The following PTPRD variants were observed in gnomAD, a reference collection of about 807,000 sequenced individuals.
PTPRD encodes the protein receptor-type tyrosine-protein phosphatase delta.
Under a neutral mutation model 214.5 loss-of-function variants are expected in PTPRD, and 34 were observed. The observed-to-expected ratio is 0.16, with a 90% CI of 0.12 to 0.21. PTPRD has a LOEUF of 0.21. PTPRD is among the 10% of genes least tolerant of loss of function. The pLI, the probability that PTPRD is intolerant of heterozygous loss-of-function variation, is 1.00. For missense variants in PTPRD, 2,545 were observed against 2,398.7 expected (o/e 1.06, Z -1.27); for synonymous variants, 1,128 against 845.7 (o/e 1.33, Z -5.79).
chr9:9,927,802 T>A (rs1488335556), intron 5 of PTPRD, among the ~76,000 whole-genome samples: 2 of 152,118 alleles, frequency 1.3e-5, no homozygotes, highest in Non-Finnish European at 2.9e-5. Context: ...TTTTTCAGAG[T>A]CAATTTCATT....
intron 11 of PTPRD, among the ~76,000 whole-genome samples, chr9:8,948,427 A>T (rs1418404452): frequency 2.0e-4 from 5 of 24,986 alleles, no homozygotes; most frequent in African/African-American, 4.2e-4. Context: ...ATATATATTT[A>T]TATATATATT....
At chr9:8,978,165 G>A (rs959855611) in intron 11 of PTPRD, among the ~76,000 whole-genome samples, 1 of 152,076 alleles carries the variant, frequency 6.6e-6, no homozygotes, top group African/African-American at 2.4e-5. Context: ...AAATTTTGGG[G>A]AAGGGAGGTC....
intron 8 of PTPRD, among the ~76,000 whole-genome samples, chr9:9,570,685 A>C (rs1294557505): frequency 6.6e-6 from 1 of 151,484 alleles, no homozygotes; most frequent in Admixed American, 6.6e-5. Flanking sequence ...TCATTATGAC[A>C]CAGAGATCGA....
At chr9:9,721,660 T>G (rs1292816799) in intron 7 of PTPRD, among the ~76,000 whole-genome samples, 1 of 152,160 alleles carries the variant, frequency 6.6e-6, no homozygotes, top group Non-Finnish European at 1.5e-5. Context: ...GTATTCTGGA[T>G]TTATGATGTC....
intron 35 of PTPRD, among the ~76,000 whole-genome samples, chr9:8,406,478 G>C (rs2092991491): frequency 6.6e-6 from 1 of 152,148 alleles, no homozygotes; most frequent in Non-Finnish European, 1.5e-5. Flanking sequence ...CTAAAGCATA[G>C]CTCTGGACAG....
intron 3 of PTPRD, among the ~76,000 whole-genome samples, chr9:10,338,289 A>C (rs967530628): frequency 1.3e-5 from 2 of 151,546 alleles, no homozygotes; most frequent in Non-Finnish European, 3.0e-5. Flanking sequence ...TCTGCTAATG[A>C]GTAACATTCT....
At chr9:9,045,704 C>A (rs946470697) in intron 10 of PTPRD, among the ~76,000 whole-genome samples, 1 of 152,150 alleles carries the variant, frequency 6.6e-6, no homozygotes, top group South Asian at 2.1e-4. Context: ...GTTCCATAAT[C>A]CTGTGAACAC....
intron 4 of PTPRD, among the ~76,000 whole-genome samples, chr9:10,001,682 T>C (rs2096320666): frequency 1.3e-5 from 2 of 152,072 alleles, no homozygotes; most frequent in Non-Finnish European, 2.9e-5. Context: ...GGAGAAATAA[T>C]AAAATAAATG....
chr9:8,447,526 C>T (rs2095780951), intron 34 of PTPRD, among the ~76,000 whole-genome samples: 1 of 152,184 alleles, frequency 6.6e-6, no homozygotes, highest in Admixed American at 6.5e-5. Context: ...AAAATTACAT[C>T]TGAAAGTGAG....
intron 5 of PTPRD, among the ~76,000 whole-genome samples, chr9:9,857,516 C>T (rs1227760526): frequency 3.9e-5 from 6 of 152,142 alleles, no homozygotes; most frequent in Non-Finnish European, 8.8e-5. Context: ...TCTCTGCACA[C>T]GGTGCATTTC....
chr9:10,284,967 T>C (rs947224801), intron 3 of PTPRD, among the ~76,000 whole-genome samples: 2 of 152,214 alleles, frequency 1.3e-5, no homozygotes, highest in Non-Finnish European at 2.9e-5. Context: ...TATCAGCACT[T>C]CATTTTGGAC....
chr9:10,232,949 T>C (rs1452157124), intron 3 of PTPRD, among the ~76,000 whole-genome samples: 1 of 152,002 alleles, frequency 6.6e-6, no homozygotes, highest in Non-Finnish European at 1.5e-5. Context: ...ACTATCATTT[T>C]ATCCACTGAA....
At chr9:8,435,775 G>T (rs2095322747) in intron 35 of PTPRD, among the ~76,000 whole-genome samples, 1 of 151,570 alleles carries the variant, frequency 6.6e-6, no homozygotes, top group Admixed American at 6.6e-5. Flanking sequence ...CCTCCATCAA[G>T]AATTCACAAA....
chr9:9,898,505 C>T (rs151147101), intron 5 of PTPRD, among the ~76,000 whole-genome samples: 53 of 152,144 alleles, frequency 3.5e-4, no homozygotes, highest in African/African-American at 1.2e-3. Flanking sequence ...TCAAGGATTA[C>T]TTCATGTGAT....
chr9:9,392,960 A>T (rs1036756126), intron 9 of PTPRD, among the ~76,000 whole-genome samples: 2 of 152,096 alleles, frequency 1.3e-5, no homozygotes, highest in Admixed American at 6.6e-5. Flanking sequence ...GGGTGGAGCC[A>T]TGGAAATTCC....
chr9:8,592,164 A>G (rs1564573844), intron 14 of PTPRD, among the ~76,000 whole-genome samples: 2 of 152,158 alleles, frequency 1.3e-5, no homozygotes, highest in African/African-American at 2.4e-5. Context: ...AATCAGACAG[A>G]TTTGTCTTGA....
chr9:10,256,594 G>C (rs1024318274), intron 3 of PTPRD, among the ~76,000 whole-genome samples: 4 of 152,048 alleles, frequency 2.6e-5, no homozygotes, highest in East Asian at 1.9e-4. Flanking sequence ...TTTCCTTTGA[G>C]CTATCCTTGC....
At chr9:9,385,496 A>G (rs1474612463) in intron 9 of PTPRD, among the ~76,000 whole-genome samples, 1 of 152,116 alleles carries the variant, frequency 6.6e-6, no homozygotes, top group African/African-American at 2.4e-5. Context: ...CAGGAAACCA[A>G]TCCTTTCATA....
At chr9:10,196,198 A>C (rs1490686123) in intron 3 of PTPRD, among the ~76,000 whole-genome samples, 2 of 152,174 alleles carry the variant, frequency 1.3e-5, no homozygotes, top group African/African-American at 4.8e-5. Flanking sequence ...CATAAAGTAC[A>C]ATATCTTGCT....
Sources: allele counts gnomAD v4.1 joint callset (sites outside exome capture counted in the v4.1 genomes callset), GRCh38; gene constraint gnomAD v4.1.1; transcripts MANE v1.5; gene names NCBI Gene and HGNC (gene_info 2026-07-23, HGNC 2026-07-21).